Variants in ARHGEF26 observed in about 807,000 individuals in gnomAD.
The protein encoded by ARHGEF26 is Rho guanine nucleotide exchange factor (GEF) 26.
A neutral mutation model predicts 89.4 loss-of-function variants in ARHGEF26; 59 were observed. That is an observed-to-expected ratio of 0.66 (90% CI 0.54 to 0.82). The LOEUF (loss-of-function observed/expected upper bound fraction) is 0.82, where lower values mean the gene tolerates loss of function less well. ARHGEF26 is among the 40% of genes least tolerant of loss of function. ARHGEF26 has a pLI of 0.00. For synonymous variants in ARHGEF26, 500 were observed against 428.4 expected (o/e 1.17, Z -2.06); for missense variants, 1,234 against 1,085.6 (o/e 1.14, Z -1.92).
intron 9 of ARHGEF26, among the ~76,000 whole-genome samples, chr3:154,213,351 G>T (rs557420645): frequency 1.3e-5 from 2 of 151,774 alleles, no homozygotes; most frequent in African/African-American, 4.8e-5. Flanking sequence ...TTGAAGGAAG[G>T]TACAGTAATA....
At chr3:154,158,410 G>T (rs1310672986) in intron 6 of ARHGEF26, among the ~76,000 whole-genome samples, 1 of 152,136 alleles carries the variant, frequency 6.6e-6, no homozygotes, top group African/African-American at 2.4e-5. Context: ...GAGTATTTGG[G>T]GAGTTAGAAT....
intron 4 of ARHGEF26, among the ~76,000 whole-genome samples, chr3:154,132,387 AC>A (rs1258508254): frequency 6.6e-6 from 1 of 152,082 alleles, no homozygotes; most frequent in Non-Finnish European, 1.5e-5. Flanking sequence ...CCCAGAGATA[AC>A]CACTATCCCT....
At chr3:154,153,715 G>A (rs1439583168) in intron 6 of ARHGEF26, among the ~76,000 whole-genome samples, 1 of 151,950 alleles carries the variant, frequency 6.6e-6, no homozygotes, top group Admixed American at 6.6e-5. Flanking sequence ...AACACAACCA[G>A]AGTCAACATT....
intron 9 of ARHGEF26, among the ~76,000 whole-genome samples, chr3:154,210,386 T>G (rs1715286929): frequency 6.6e-6 from 1 of 152,086 alleles, no homozygotes; most frequent in African/African-American, 2.4e-5. Context: ...GACTGGGTTC[T>G]TTTCTTCAAG....
intron 9 of ARHGEF26, among the ~76,000 whole-genome samples, chr3:154,196,319 G>T (rs953438549): frequency 6.6e-6 from 1 of 152,142 alleles, no homozygotes; most frequent in Non-Finnish European, 1.5e-5. Context: ...GAAATATCTA[G>T]CTGAGAGGAA....
chr3:154,187,364 T>G (rs982010867), intron 6 of ARHGEF26, among the ~76,000 whole-genome samples: 1 of 150,974 alleles, frequency 6.6e-6, no homozygotes, highest in Admixed American at 6.7e-5. Flanking sequence ...AGCCAAACAC[T>G]TGAAGCAATA....
At chr3:154,184,576 A>G (rs1559883971) in intron 6 of ARHGEF26, among the ~76,000 whole-genome samples, 1 of 152,166 alleles carries the variant, frequency 6.6e-6, no homozygotes, top group Non-Finnish European at 1.5e-5. Context: ...CAGAAATCTC[A>G]GCATCTTCCT....
intron 6 of ARHGEF26, among the ~76,000 whole-genome samples, chr3:154,175,172 A>G (rs1353758072): frequency 1.3e-5 from 2 of 152,210 alleles, no homozygotes; most frequent in Non-Finnish European, 2.9e-5. Flanking sequence ...TCTTGTATTA[A>G]AGGTTCTATA....
intron 9 of ARHGEF26, among the ~76,000 whole-genome samples, chr3:154,201,133 C>A (rs908374279): frequency 4.6e-5 from 7 of 151,952 alleles, no homozygotes; most frequent in Admixed American, 1.3e-4. Flanking sequence ...AGGTTTATCT[C>A]CTAATGCTAT....
rs369157082 is a variant in ARHGEF26 at position 154,149,448 on chromosome 3, A to G, written c.1326+3A>G. 3.1e-6 allele frequency: 5 copies of G among 1,605,614 alleles called. No individual in the cohort carries two copies. The highest frequency in any genetic ancestry group is 4.3e-6 in the Non-Finnish European group (5 of 1,175,542). ...AGGAGGAAAGAAAGAGACAAGAGGT[A>G]TGTTTCTACCGAGCAGCTGCTTTAG... is the stretch of plus-strand genomic sequence containing the variant. On this transcript the variant is annotated splice_donor_region_variant and intron_variant, in intron 5 of 14. Coordinates refer to ENST00000465093, the MANE Select transcript of ARHGEF26 (RefSeq NM_015595.4).
chr3:154,140,137 A>C (rs1250985161), intron 4 of ARHGEF26, among the ~76,000 whole-genome samples: 2 of 152,182 alleles, frequency 1.3e-5, no homozygotes, highest in African/African-American at 2.4e-5. Context: ...ACTGAGTTGC[A>C]GGATAGCTGT....
chr3:154,237,733 CTT>C (rs1210154167), intron 11 of ARHGEF26, among the ~76,000 whole-genome samples: 1 of 152,162 alleles, frequency 6.6e-6, no homozygotes. Context: ...ATTTCTTTGA[CTT>C]TTATTTCTTT....
rs1217381976 is a variant in ARHGEF26 at position 154,122,451 on chromosome 3, C to T, written c.459C>T (p.Pro153=). The T allele has an allele frequency of 1.9e-6, 3 of 1,611,918 alleles. No homozygotes were observed. In the African/African-American group the frequency reaches 4.0e-5, roughly 22 times the overall value. ...VLRPPRTPNA[P]APCTPEEDLT... ...GCCCCCCGCGGACTCCTAACGCGCC[C>T]GCCCCCTGCACCCCCGAGGAGGACC... is the stretch of plus-strand genomic sequence containing the variant. Residue 153 remains proline, a synonymous_variant, in exon 2 of 15, where the codon CCC becomes CCT. Transcript: ENST00000465093.
At chr3:154,155,795 A>G (rs183158379) in intron 6 of ARHGEF26, among the ~76,000 whole-genome samples, 348 of 152,032 alleles carry the variant, frequency 2.3e-3, no homozygotes, top group Non-Finnish European at 3.8e-3. Flanking sequence ...AAAGATCATC[A>G]CTCTAAGAGG....
intron 10 of ARHGEF26, among the ~76,000 whole-genome samples, chr3:154,221,943 T>C (rs1312224586): frequency 6.6e-6 from 1 of 152,228 alleles, no homozygotes; most frequent in Non-Finnish European, 1.5e-5. Context: ...GGTATGGCCA[T>C]AGGTGCTACT....
chr3:154,141,770 C>T (rs753478615), intron 4 of ARHGEF26, among the ~76,000 whole-genome samples: 3 of 152,120 alleles, frequency 2.0e-5, no homozygotes, highest in Non-Finnish European at 2.9e-5. Context: ...TATACTTCTG[C>T]TTGCAGTGTA....
intron 10 of ARHGEF26, among the ~76,000 whole-genome samples, chr3:154,223,121 G>A (rs1387954578): frequency 6.6e-6 from 1 of 152,144 alleles, no homozygotes; most frequent in African/African-American, 2.4e-5. Context: ...TTATGAATAA[G>A]CACATGGAGA....
intron 11 of ARHGEF26, among the ~76,000 whole-genome samples, chr3:154,232,718 T>G (rs1716893325): frequency 6.6e-6 from 1 of 152,174 alleles, no homozygotes; most frequent in Non-Finnish European, 1.5e-5. Flanking sequence ...CATTTAATCC[T>G]CTCAACAATC....
At chr3:154,194,814 G>T in intron 9 of ARHGEF26, 96 bp downstream of exon 9, 2 of 1,015,860 alleles carry the variant, frequency 2.0e-6, no homozygotes, top group Non-Finnish European at 3.0e-6. Context: ...AACTGGTAGA[G>T]TCTCACAGCC....
Sources: gnomAD v4.1 joint callset for allele counts (sites outside exome capture counted in the v4.1 genomes callset) on GRCh38, gnomAD v4.1.1 for gene constraint, MANE v1.5 for transcripts, NCBI Gene and HGNC (gene_info 2026-07-23, HGNC 2026-07-21) for gene names.